The following TMEM184C variants were observed in gnomAD, a reference collection of about 807,000 sequenced individuals.
TMEM184C encodes the protein transmembrane protein 184C, also known as transmembrane protein 34.
Under a neutral mutation model 54.5 loss-of-function variants are expected in TMEM184C, and 25 were observed. The ratio of observed to expected loss-of-function variants is 0.46; its 90% CI spans 0.33 to 0.64. TMEM184C has a LOEUF of 0.64. Among genes scored for constraint, TMEM184C ranks in the 30% least tolerant of loss-of-function variants. The pLI is 0.02. For missense variants in TMEM184C, 335 were observed against 520.3 expected (o/e 0.64, Z 3.46); for synonymous variants, 148 against 181.5 (o/e 0.82, Z 1.49).
chr4:147,619,688 C>T (rs1312015308), intron 1 of TMEM184C, among the ~76,000 whole-genome samples: 1 of 152,144 alleles, frequency 6.6e-6, no homozygotes. Context: ...TAATAATATG[C>T]ATAATATCAG....
rs1578862198 is a variant in TMEM184C, at chr4:147,632,896, C to T, written c.780-7C>T. On this transcript the variant is annotated splice_region_variant and splice_polypyrimidine_tract_variant and intron_variant, in intron 7 of 9. Coordinates refer to ENST00000296582, the MANE Select transcript of TMEM184C (RefSeq NM_018241.3). ...AGATTTGGCGTTTACCTTTTCCTAA[C>T]ATATAGGCAAGCAGTAGTTATTGCT... 1 of 1,612,432 alleles carries T rather than the reference C, an allele frequency of 6.2e-7. No homozygotes were observed. The highest frequency in any genetic ancestry group is 2.2e-5 in the East Asian group (1 of 44,846).
rs1329625798 is a variant in TMEM184C, at chr4:147,635,685, C to CTAT, written c.*1255_*1257dup. The CTAT allele has an allele frequency of 2.0e-5, 3 of 152,048 alleles. No homozygotes were observed. The highest frequency in any genetic ancestry group is 7.2e-5 in the African/African-American group (3 of 41,408). 9.4% of individuals were successfully genotyped at this position (152,048 alleles called of 1,614,324 possible). On this transcript the variant is annotated 3_prime_UTR_variant, in exon 10 of 10. Transcript: ENST00000296582. The stretch of plus-strand genomic sequence containing the variant: ...TCATACAAAGTCTTTATTCCATCCA[C>CTAT]TATTATAAACATTTCTATTAAAACT...
intron 3 of TMEM184C, among the ~76,000 whole-genome samples, chr4:147,624,576 C>T (rs1336208612): frequency 6.6e-6 from 1 of 152,126 alleles, no homozygotes; most frequent in East Asian, 1.9e-4. Context: ...TCATTATTTA[C>T]CCCTCAAACA....
chr4:147,629,749 T>G, intron 6 of TMEM184C, 57 bp downstream of exon 6: 1 of 1,240,144 alleles, frequency 8.1e-7, no homozygotes, highest in South Asian at 1.7e-5. Flanking sequence ...ATAACTAAAT[T>G]TCTTTAGACA....
At chr4:147,628,549 G>A (rs536876954) in intron 5 of TMEM184C, 114 bp downstream of exon 5, 7 of 812,930 alleles carry the variant, frequency 8.6e-6, no homozygotes, top group African/African-American at 1.7e-5. Context: ...GGTCTAGTCT[G>A]TTGTAAAAAA....
intron 1 of TMEM184C, among the ~76,000 whole-genome samples, chr4:147,618,311 A>C (rs1316229030): frequency 6.6e-6 from 1 of 152,264 alleles, no homozygotes; most frequent in Non-Finnish European, 1.5e-5. Flanking sequence ...ATAGCTGCTT[A>C]GAAGGGCACT....
Position 147,632,960 on chromosome 4 carries a change from G to A in TMEM184C, c.837G>A (p.Thr279=), listed in dbSNP as rs772042664. 25 of 1,614,048 alleles carry A rather than the reference G, an allele frequency of 1.5e-5. No homozygotes were observed. Among genetic ancestry groups the A allele is most frequent in the Middle Eastern group, 1.6e-4 (1 of 6,062 alleles). The change falls in exon 8 of 10, where the codon ACG becomes ACA. Residue 279 remains threonine (T), a synonymous_variant. Transcript: ENST00000296582. The part of the protein sequence containing the change: ...VKVGVISEKH[T]WEWQTVEAVA... ...TTGGCGTTATTTCTGAAAAGCATAC[G>A]TGGGAATGGCAAACTGTAGAAGCTG... is the stretch of plus-strand genomic sequence containing the variant.
At chr4:147,628,602 ACCATTTATAGG>A (rs1732857215) in intron 5 of TMEM184C, among the ~76,000 whole-genome samples, 167 bp downstream of exon 5, 1 of 152,152 alleles carries the variant, frequency 6.6e-6, no homozygotes, top group African/African-American at 2.4e-5. Flanking sequence ...AAATAACATG[ACCATTTATAGG>A]CAAAGAGTCA....
Position 147,634,759 on chromosome 4 carries a change from C to T in TMEM184C, c.*325C>T, listed in dbSNP as rs541754789. ...TTTTTTTGAGACAGACAGAGTCTTG[C>T]TCTGTCACCCAGGCTGGAGTGCAGT... is the stretch of plus-strand genomic sequence containing the variant. On this transcript the variant is annotated 3_prime_UTR_variant, in exon 10 of 10. Transcript: ENST00000296582. The T allele has an allele frequency of 2.3e-4, 45 of 198,012 alleles. No homozygotes were observed. Among genetic ancestry groups the T allele is most frequent in the South Asian group, 2.1e-4 (2 of 9,642 alleles). The allele number at this position is 198,012 out of a possible 1,614,324, so 12.3% of individuals were successfully genotyped here. A position where few individuals can be genotyped will look rare whatever the true frequency, so the allele number is the denominator to read the frequency against.
chr4:147,624,225 T>A, intron 3 of TMEM184C, 127 bp downstream of exon 3: 1 of 709,804 alleles, frequency 1.4e-6, no homozygotes, highest in Non-Finnish European at 2.2e-6. Context: ...AAAGGTTCAC[T>A]TGTTTCTAAT....
chr4:147,632,614 G>A (rs1732936999), intron 7 of TMEM184C: 1 of 329,524 alleles, frequency 3.0e-6, no homozygotes, highest in African/African-American at 2.1e-5. Flanking sequence ...AACTATGAAA[G>A]CATGTCCATG....
At position 147,636,661 on chromosome 4, in the gene TMEM184C, C is replaced by G. The variant is rs1344775747; in HGVS notation, c.*2227C>G. The G allele has an allele frequency of 1.3e-5, 2 of 152,000 alleles. No individual in the cohort carries two copies. Among genetic ancestry groups the G allele is most frequent in the Admixed American group, 6.6e-5 (1 of 15,254 alleles). The allele number at this position is 152,000 out of a possible 1,614,324, so 9.4% of individuals were successfully genotyped here. A position where few individuals can be genotyped will look rare whatever the true frequency, so the allele number is the denominator to read the frequency against. ...AAAAAGCTTCTGACAGTAAAAGAAA[C>G]AGTCAACAAAATGAAACAGTAGCCT... On this transcript the variant is annotated 3_prime_UTR_variant, in exon 10 of 10. Coordinates refer to ENST00000296582, the MANE Select transcript of TMEM184C (RefSeq NM_018241.3).
chr4:147,627,926 G>C (rs1244156567), intron 4 of TMEM184C, among the ~76,000 whole-genome samples: 4 of 150,980 alleles, frequency 2.6e-5, no homozygotes, highest in African/African-American at 7.3e-5. Context: ...TACTCAGGAG[G>C]CTGAGGTGGG....
intron 1 of TMEM184C, among the ~76,000 whole-genome samples, chr4:147,621,087 TA>T (rs1378514522): frequency 6.6e-6 from 1 of 152,192 alleles, no homozygotes; most frequent in Non-Finnish European, 1.5e-5. Context: ...CTGCACTGTT[TA>T]AACTATTTTT....
At chr4:147,626,475 G>T (rs1289925215) in intron 4 of TMEM184C, among the ~76,000 whole-genome samples, 3 of 152,214 alleles carry the variant, frequency 2.0e-5, no homozygotes, top group Non-Finnish European at 4.4e-5. Context: ...TACAAGCCAA[G>T]GTAAATGGAG....
intron 4 of TMEM184C, among the ~76,000 whole-genome samples, chr4:147,625,258 A>G (rs1424725774): frequency 6.6e-6 from 1 of 152,266 alleles, no homozygotes; most frequent in Non-Finnish European, 1.5e-5. Context: ...AGGTAAAAAC[A>G]GTAATCATTT....
Position 147,634,401 on chromosome 4 carries a change from A to T in TMEM184C, c.1284A>T (p.Lys428Asn). Residue 428 changes from lysine to asparagine, a missense_variant, in exon 10 of 10, where the codon AAA (lysine) becomes AAT (asparagine). Physicochemically the swap from Lys to Asn is moderately conservative, Grantham distance 94. Transcript: ENST00000296582. The part of the protein sequence containing the change: ...DEILSDTIGE[K>N]KEPSDKSVDS ...TCCTTAGTGATACTATAGGAGAGAA[A>T]AAAGAACCTTCAGATAAATCCGTGG... 1 of 1,614,038 alleles carries T rather than the reference A, an allele frequency of 6.2e-7. No homozygotes were observed.
intron 6 of TMEM184C, among the ~76,000 whole-genome samples, chr4:147,631,081 C>T (rs2126553649): frequency 6.6e-6 from 1 of 152,140 alleles, no homozygotes; most frequent in East Asian, 1.9e-4. Flanking sequence ...TGTTTAAAAG[C>T]CGTTACAGAT....
In TMEM184C at chr4:147,628,892, C is replaced by T. The variant is rs948023920; in HGVS notation, c.572+457C>T. On this transcript the variant is annotated intron_variant, in intron 5 of 9. Coordinates refer to ENST00000296582, the MANE Select transcript of TMEM184C (RefSeq NM_018241.3). ...TGAGGTAAAATGGGGTATCATTAAG[C>T]TACCTGGCAAAACTATTCCCTAAAA... 3.9e-5 allele frequency among the ~76,000 whole-genome samples: 6 copies of T among 152,228 alleles called. No individual in the cohort carries two copies. The South Asian group carries it at 1.0e-3, about 26-fold the overall frequency.
Sources: gnomAD v4.1 joint callset for allele counts (sites outside exome capture counted in the v4.1 genomes callset) on GRCh38, gnomAD v4.1.1 for gene constraint, MANE v1.5 for transcripts, NCBI Gene and HGNC (gene_info 2026-07-23, HGNC 2026-07-21) for gene names.